Variants in RASEF observed in about 807,000 individuals in gnomAD.
RASEF encodes RAS and EF-hand domain containing.
A neutral mutation model predicts 90.1 loss-of-function variants in RASEF; 68 were observed. That is an observed-to-expected ratio of 0.75 (90% CI 0.62 to 0.92). RASEF has a LOEUF of 0.92. RASEF is among the 40% of genes least tolerant of loss of function. RASEF has a pLI of 0.00. For synonymous variants in RASEF, 331 were observed against 345.2 expected, an observed-to-expected ratio of 0.96 and a Z score of 0.46; for missense variants, 949 against 937.2, an observed-to-expected ratio of 1.01 and a Z score of -0.16.
At chr9:83,194,994 T>C in the RASEF span, among the ~76,000 whole-genome samples, 1 of 152,180 alleles carries the variant, frequency 6.6e-6, no homozygotes, top group Admixed American at 6.5e-5. Context: ...GAGAATAGTA[T>C]TAGAAAACAA....
At chr9:83,184,903 G>C in the RASEF span, among the ~76,000 whole-genome samples, 11 of 152,244 alleles carry the variant, frequency 7.2e-5, no homozygotes, top group East Asian at 5.8e-4. Context: ...ATTTATTAGA[G>C]TGGCACACAG....
the RASEF span, among the ~76,000 whole-genome samples, chr9:83,164,606 C>T: frequency 6.8e-6 from 1 of 147,542 alleles, no homozygotes; most frequent in Non-Finnish European, 1.5e-5. Context: ...AAATTAGAAC[C>T]ACCAAGGAAA....
Position 83,025,856 on chromosome 9 carries a change from T to C in RASEF, c.497A>G (p.Tyr166Cys), listed in dbSNP as rs372091088. ...NLVEPRLIQP[Y>C]EHVIKNFIRE... ...GATGAAGTTCTTTATAACATGTTCATATGGCTGAATTAATCTTGGCTCCAC... is the reference window on the plus strand; with the variant it reads ...GATGAAGTTCTTTATAACATGTTCACATGGCTGAATTAATCTTGGCTCCAC... The change falls in exon 2 of 17, where the codon TAT (tyrosine) becomes TGT (cysteine). Residue 166 changes from tyrosine (Y) to cysteine (C), a missense_variant. Tyr to Cys is a radical substitution (Grantham distance 194, BLOSUM62 -2). This residue lies in a region of RASEF where 656 missense variants were observed against 592.2 expected (regional missense o/e 1.11). Transcript: ENST00000376447. 8 of 1,613,922 alleles carry C rather than the reference T, an allele frequency of 5.0e-6. No homozygotes were observed. Among genetic ancestry groups the C allele is most frequent in the South Asian group, 1.1e-5 (1 of 91,068 alleles).
the RASEF span, among the ~76,000 whole-genome samples, chr9:83,086,598 C>T: frequency 1.7e-3 from 265 of 152,266 alleles, 2 homozygotes; most frequent in African/African-American, 5.9e-3. Flanking sequence ...GGTCAAGTTG[C>T]TGTGGGGGCT....
At chr9:83,108,308 T>C in the RASEF span, among the ~76,000 whole-genome samples, 1 of 152,160 alleles carries the variant, frequency 6.6e-6, no homozygotes, top group Admixed American at 6.6e-5. Context: ...AGGGAAAACT[T>C]GGATGTACTT....
At chr9:83,053,778 G>A (rs1830059774) in intron 1 of RASEF, among the ~76,000 whole-genome samples, 2 of 142,966 alleles carry the variant, frequency 1.4e-5, no homozygotes, top group Admixed American at 6.9e-5. Flanking sequence ...CGTCTATAAA[G>A]TATTTTATTT....
chr9:83,190,678 T>A, the RASEF span, among the ~76,000 whole-genome samples: 1 of 152,232 alleles, frequency 6.6e-6, no homozygotes, highest in Non-Finnish European at 1.5e-5. Context: ...GGCATGGCTG[T>A]TTGCCAAGGT....
chr9:83,084,665 C>T, the RASEF span, among the ~76,000 whole-genome samples: 5 of 152,120 alleles, frequency 3.3e-5, no homozygotes, highest in Admixed American at 1.3e-4. Context: ...TTTTCCCACC[C>T]GTCTGTATCC....
the RASEF span, among the ~76,000 whole-genome samples, chr9:83,208,697 T>G: frequency 1.3e-5 from 2 of 152,112 alleles, no homozygotes; most frequent in Admixed American, 1.3e-4. Context: ...ACAAGACCGA[T>G]AGCCAGGAAA....
intron 1 of RASEF, among the ~76,000 whole-genome samples, chr9:83,034,228 T>C (rs1829700397): frequency 6.6e-6 from 1 of 152,262 alleles, no homozygotes; most frequent in South Asian, 2.1e-4. Flanking sequence ...CTCTCCAATC[T>C]AGAGAAAACA....
At chr9:83,165,452 C>T in the RASEF span, among the ~76,000 whole-genome samples, 5 of 151,842 alleles carry the variant, frequency 3.3e-5, no homozygotes, top group South Asian at 2.1e-4. Context: ...ATATTTGAAA[C>T]GGAATGAAAA....
At chr9:83,141,509 GA>G in the RASEF span, among the ~76,000 whole-genome samples, 1 of 152,164 alleles carries the variant, frequency 6.6e-6, no homozygotes. Context: ...GCCCCTTCCC[GA>G]AAACAGCTGT....
the RASEF span, among the ~76,000 whole-genome samples, chr9:83,180,713 G>A: frequency 0.33 from 49,811 of 151,786 alleles, 9,941 homozygotes; most frequent in Non-Finnish European, 0.45. Flanking sequence ...AAGGGGAAAT[G>A]TTGCTTTGAT....
chr9:83,212,199 G>T, the RASEF span, among the ~76,000 whole-genome samples: 1 of 152,172 alleles, frequency 6.6e-6, no homozygotes, highest in African/African-American at 2.4e-5. Context: ...AGACAGATAG[G>T]TTAAGTAACT....
At chr9:82,997,208 T>G in intron 13 of RASEF, 82 bp from the exon 14 acceptor site, 1 of 873,280 alleles carries the variant, frequency 1.1e-6, no homozygotes, top group Non-Finnish European at 1.9e-6. Context: ...TTTCTCCTCT[T>G]CTAAAATCAA....
At chr9:83,059,269 TACACACACACACAC>T (rs59546421) in intron 1 of RASEF, among the ~76,000 whole-genome samples, 1 of 129,088 alleles carries the variant, frequency 7.7e-6, no homozygotes, top group African/African-American at 3.0e-5. Context: ...AAATGCTCAA[TACACACACACACAC>T]ACACACACAC....
At chr9:83,212,852 C>T in the RASEF span, among the ~76,000 whole-genome samples, 10 of 152,142 alleles carry the variant, frequency 6.6e-5, no homozygotes, top group South Asian at 2.1e-3. Context: ...AAACTTGTGA[C>T]ATTAAGAGAG....
chr9:83,119,202 A>G, the RASEF span, among the ~76,000 whole-genome samples: 1 of 140,518 alleles, frequency 7.1e-6, no homozygotes. Context: ...TATTTTTGGT[A>G]GAGACGGGGT....
chr9:83,070,741 A>G, the RASEF span, among the ~76,000 whole-genome samples: 1 of 152,186 alleles, frequency 6.6e-6, no homozygotes, highest in Admixed American at 6.5e-5. Flanking sequence ...TCTTAATAAT[A>G]TTGAATCTGC....
Sources: gnomAD v4.1 joint callset for allele counts (sites outside exome capture counted in the v4.1 genomes callset) on GRCh38, gnomAD v4.1.1 for gene constraint, gnomAD v4.1.1 regional missense constraint, MANE v1.5 for transcripts, NCBI Gene and HGNC (gene_info 2026-07-23, HGNC 2026-07-21) for gene names.